MAJIN: variants seen among roughly 807,000 people sequenced by gnomAD.
MAJIN encodes membrane anchored junction protein, also known as membrane-anchored junction protein.
In MAJIN, 27 loss-of-function variants were observed where a neutral mutation model predicts 30.2. The ratio of observed to expected loss-of-function variants is 0.89; its 90% CI spans 0.66 to 1.23. The LOEUF is 1.23. MAJIN is among the 50% of genes most tolerant of loss of function. MAJIN has a pLI of 0.00. For missense variants in MAJIN, 253 were observed against 260.3 expected, an observed-to-expected ratio of 0.97 and a Z score of 0.19; for synonymous variants, 78 against 91.6, an observed-to-expected ratio of 0.85 and a Z score of 0.85.
At chr11:64,947,723 G>A (rs929550148) in intron 7 of MAJIN, 65 bp downstream of exon 7, 75 of 1,529,154 alleles carry the variant, frequency 4.9e-5, no homozygotes, top group Non-Finnish European at 6.5e-5. Flanking sequence ...GGCAAGAGCA[G>A]GACTTTTTGG....
chr11:64,954,358 G>A (rs2136773951), intron 4 of MAJIN: 1 of 332,050 alleles, frequency 3.0e-6, no homozygotes, highest in African/African-American at 2.2e-5. Flanking sequence ...AGACACAGCA[G>A]CCTTGTCTGT....
At position 64,938,580 on chromosome 11, in the gene MAJIN, G is replaced by C. The variant is rs1161459829; in HGVS notation, c.*2-7C>G. The C allele has an allele frequency of 6.5e-7, 1 of 1,535,662 alleles. No individual in the cohort carries two copies. The highest frequency in any genetic ancestry group is 2.0e-5 in the Admixed American group (1 of 50,988). On this transcript the variant is annotated splice_polypyrimidine_tract_variant and splice_region_variant and intron_variant, in intron 10 of 10. Coordinates refer to ENST00000301896, the MANE Select transcript of MAJIN (RefSeq NM_001037225.3). Reference sequence around the variant, plus strand: ...TCGAAACGGGAAGAGAGAGCTGCAAGAATGAGAACAGAGTAGGCTGAGACT... The same window carrying C: ...TCGAAACGGGAAGAGAGAGCTGCAACAATGAGAACAGAGTAGGCTGAGACT...
chr11:64,950,588 TTC>T (rs1299052099), intron 4 of MAJIN, among the ~76,000 whole-genome samples, 158 bp from the exon 5 acceptor site: 1 of 152,116 alleles, frequency 6.6e-6, no homozygotes, highest in East Asian at 1.9e-4. Flanking sequence ...TTTTCTTTCT[TTC>T]TTTCTTTTTT....
rs1228281541 is a variant in MAJIN, at chr11:64,954,744, C to T, written c.147+13G>A. 6 of 1,612,818 alleles carry T rather than the reference C, an allele frequency of 3.7e-6. No individual in the cohort carries two copies. Among genetic ancestry groups the T allele is most frequent in the Non-Finnish European group, 3.4e-6 (4 of 1,179,030 alleles). ...GAGTAACTTTTCCAGAAGTCGTATG[C>T]TTCTTTCCCTACCTCCAGCTCCTGG... On this transcript the variant is annotated intron_variant, in intron 4 of 10. Transcript: ENST00000301896.
At chr11:64,962,617 G>A (rs1388450496) in intron 1 of MAJIN, among the ~76,000 whole-genome samples, 4 of 152,186 alleles carry the variant, frequency 2.6e-5, no homozygotes, top group African/African-American at 4.8e-5. Context: ...CTTGAGTCCT[G>A]CTTCTGCCTC....
At chr11:64,965,742 G>T (rs1945796261) in intron 1 of MAJIN, among the ~76,000 whole-genome samples, 1 of 151,980 alleles carries the variant, frequency 6.6e-6, no homozygotes, top group Admixed American at 6.6e-5. Flanking sequence ...TGATCACGAG[G>T]TCAGGAGATC....
chr11:64,939,808 A>G (rs1565117474), intron 9 of MAJIN, 41 bp from the exon 10 acceptor site: 3 of 1,591,250 alleles, frequency 1.9e-6, no homozygotes, highest in Non-Finnish European at 2.6e-6. Flanking sequence ...ATGTTTGTCC[A>G]TAGGCCGTTT....
intron 1 of MAJIN, among the ~76,000 whole-genome samples, chr11:64,970,324 T>C (rs990985656): frequency 3.5e-5 from 5 of 143,506 alleles, no homozygotes; most frequent in East Asian, 2.2e-4. Context: ...AATCTCACCA[T>C]TGCACTCCAG....
At chr11:64,949,204 C>T (rs2136753233) in intron 6 of MAJIN, among the ~76,000 whole-genome samples, 1 of 151,454 alleles carries the variant, frequency 6.6e-6, no homozygotes, top group South Asian at 2.1e-4. Flanking sequence ...GTCGCACACA[C>T]CTATAGTCCT....
At chr11:64,940,683 C>T (rs754969714) in intron 8 of MAJIN, 37 bp from the exon 9 acceptor site, 3 of 1,570,436 alleles carry the variant, frequency 1.9e-6, no homozygotes, top group African/African-American at 1.4e-5. Flanking sequence ...CTTAAACTTT[C>T]CTCCTACACT....
At chr11:64,951,764 CAAAAAAAAAA>C (rs11329539) in intron 4 of MAJIN, among the ~76,000 whole-genome samples, 1 of 95,892 alleles carries the variant, frequency 1.0e-5, no homozygotes, top group African/African-American at 3.9e-5. Flanking sequence ...AACCTTGTCT[CAAAAAAAAAA>C]AAAAAAAAAA....
chr11:64,961,467 A>ATT (rs36053356), intron 1 of MAJIN, among the ~76,000 whole-genome samples: 838 of 59,192 alleles, frequency 0.014, 91 homozygotes, highest in African/African-American at 0.025. Context: ...GTGCCCGGCA[A>ATT]TTTTTTTTTT....
chr11:64,966,992 T>C (rs951679080), intron 1 of MAJIN, among the ~76,000 whole-genome samples: 1 of 151,526 alleles, frequency 6.6e-6, no homozygotes, highest in African/African-American at 2.4e-5. Flanking sequence ...AAAGATATAC[T>C]TGGCCAGGTG....
chr11:64,948,602 C>CATTCAT (rs1179607088), intron 6 of MAJIN, among the ~76,000 whole-genome samples: 2,680 of 19,380 alleles, frequency 0.14, 680 homozygotes, highest in Non-Finnish European at 0.18. Flanking sequence ...CGGGCTACAT[C>CATTCAT]ATATATATAT....
intron 4 of MAJIN, among the ~76,000 whole-genome samples, chr11:64,951,783 A>G (rs1945555551): frequency 6.6e-6 from 1 of 151,434 alleles, no homozygotes; most frequent in African/African-American, 2.4e-5. Flanking sequence ...AAAAAAAAAA[A>G]AAAGATATTG....
intron 10 of MAJIN, among the ~76,000 whole-genome samples, chr11:64,939,012 C>T (rs536479089): frequency 6.0e-4 from 91 of 152,370 alleles, no homozygotes; most frequent in Non-Finnish European, 1.1e-3. Context: ...TCACTGCAAC[C>T]TCTGCCTCCC....
intron 1 of MAJIN, among the ~76,000 whole-genome samples, chr11:64,967,354 C>T (rs964261671): frequency 2.0e-5 from 3 of 151,100 alleles, no homozygotes; most frequent in Admixed American, 6.6e-5. Flanking sequence ...TGCAATGAGC[C>T]GAGATGATAC....
intron 1 of MAJIN, among the ~76,000 whole-genome samples, chr11:64,962,865 G>A (rs911968760): frequency 3.9e-5 from 6 of 152,076 alleles, no homozygotes; most frequent in Non-Finnish European, 5.9e-5. Flanking sequence ...GGTAGCTCAC[G>A]CCTGTAATCT....
At chr11:64,962,580 A>AT (rs987982433) in intron 1 of MAJIN, among the ~76,000 whole-genome samples, 2 of 152,200 alleles carry the variant, frequency 1.3e-5, no homozygotes, top group Admixed American at 1.3e-4. Flanking sequence ...TGCAAAAGAC[A>AT]TAAGATTTGG....
Sources: allele counts gnomAD v4.1 joint callset (sites outside exome capture counted in the v4.1 genomes callset), GRCh38; gene constraint gnomAD v4.1.1; transcripts MANE v1.5; gene names NCBI Gene and HGNC (gene_info 2026-07-23, HGNC 2026-07-21).